CNTN5: variants seen among roughly 807,000 people sequenced by gnomAD.
CNTN5 encodes the protein contactin-5.
In CNTN5, 77 loss-of-function variants were observed where a neutral mutation model predicts 129.1. The observed-to-expected ratio is 0.60, with a 90% CI of 0.50 to 0.72. The LOEUF (loss-of-function observed/expected upper bound fraction) is 0.72, where lower values mean the gene tolerates loss of function less well. CNTN5 is among the 30% of genes least tolerant of loss of function. The pLI is 0.00. For missense variants in CNTN5, 1,478 were observed against 1,328.8 expected (o/e 1.11, Z -1.75); for synonymous variants, 509 against 465.6 (o/e 1.09, Z -1.20).
chr11:100,211,073 C>T (rs1383675522), intron 15 of CNTN5, among the ~76,000 whole-genome samples: 2 of 152,124 alleles, frequency 1.3e-5, no homozygotes, highest in Non-Finnish European at 2.9e-5. Flanking sequence ...GATCCAGAGA[C>T]CAGTTGTAAA....
chr11:99,862,138 CAACCT>C (rs1331679274), intron 6 of CNTN5, among the ~76,000 whole-genome samples: 1 of 152,128 alleles, frequency 6.6e-6, no homozygotes, highest in East Asian at 1.9e-4. Flanking sequence ...AATTAACTGT[CAACCT>C]AACCATGTTT....
At chr11:99,881,162 GA>G (rs1948761436) in intron 6 of CNTN5, among the ~76,000 whole-genome samples, 1 of 152,166 alleles carries the variant, frequency 6.6e-6, no homozygotes, top group Non-Finnish European at 1.5e-5. Flanking sequence ...TGATGAGTGA[GA>G]TTTTTTTCTG....
intron 23 of CNTN5, among the ~76,000 whole-genome samples, chr11:100,345,897 G>A (rs1565442779): frequency 6.6e-6 from 1 of 152,070 alleles, no homozygotes; most frequent in Non-Finnish European, 1.5e-5. Context: ...GCAAGATGTT[G>A]GAAAGGATTG....
At chr11:99,259,638 T>C (rs1862537792) in intron 1 of CNTN5, among the ~76,000 whole-genome samples, 1 of 151,768 alleles carries the variant, frequency 6.6e-6, no homozygotes, top group African/African-American at 2.4e-5. Flanking sequence ...ACAAGAACTG[T>C]TGAGTCTTGG....
intron 18 of CNTN5, among the ~76,000 whole-genome samples, chr11:100,286,484 C>T (rs1270310678): frequency 1.3e-5 from 2 of 150,846 alleles, no homozygotes; most frequent in Non-Finnish European, 3.0e-5. Context: ...AGGCACCCCC[C>T]AGCAGGGGCA....
intron 16 of CNTN5, among the ~76,000 whole-genome samples, chr11:100,245,031 T>A (rs922983757): frequency 6.6e-6 from 1 of 152,186 alleles, no homozygotes; most frequent in African/African-American, 2.4e-5. Flanking sequence ...TGTGTCCACT[T>A]GTAGATAATA....
At chr11:99,788,251 C>T (rs1945608720) in intron 3 of CNTN5, among the ~76,000 whole-genome samples, 1 of 151,984 alleles carries the variant, frequency 6.6e-6, no homozygotes, top group South Asian at 2.1e-4. Context: ...TGAATACTGT[C>T]TATTCCTCAA....
At chr11:100,319,204 G>A (rs1247048455) in intron 21 of CNTN5, among the ~76,000 whole-genome samples, 2 of 148,264 alleles carry the variant, frequency 1.3e-5, no homozygotes, top group Non-Finnish European at 3.0e-5. Flanking sequence ...CCAGGCTGGA[G>A]TGCCATGGCG....
intron 9 of CNTN5, among the ~76,000 whole-genome samples, chr11:100,056,564 AAAT>A (rs1252953035): frequency 3.3e-5 from 5 of 151,802 alleles, no homozygotes; most frequent in South Asian, 2.1e-4. Flanking sequence ...ACAACTCTAA[AAAT>A]AATAATAACT....
chr11:99,153,803 C>G (rs1860190242), intron 1 of CNTN5, among the ~76,000 whole-genome samples: 1 of 144,836 alleles, frequency 6.9e-6, no homozygotes, highest in South Asian at 2.2e-4. Flanking sequence ...GAAGTTACTC[C>G]CCTTTGAATG....
At chr11:100,310,760 A>G (rs1951454793) in intron 21 of CNTN5, among the ~76,000 whole-genome samples, 1 of 151,968 alleles carries the variant, frequency 6.6e-6, no homozygotes, top group Non-Finnish European at 1.5e-5. Flanking sequence ...TGGTTGCGAC[A>G]TGTGAGTAGA....
chr11:100,085,173 T>C (rs1944501305), intron 13 of CNTN5, among the ~76,000 whole-genome samples: 1 of 151,996 alleles, frequency 6.6e-6, no homozygotes, highest in East Asian at 1.9e-4. Context: ...TAACTTCCGG[T>C]CTTTTTTTCT....
intron 2 of CNTN5, among the ~76,000 whole-genome samples, chr11:99,390,331 C>T (rs1941193940): frequency 6.6e-6 from 1 of 152,142 alleles, no homozygotes; most frequent in African/African-American, 2.4e-5. Flanking sequence ...ATTGCCCACA[C>T]TGGTCTTGAA....
chr11:99,241,383 GT>G (rs1425494580), intron 1 of CNTN5, among the ~76,000 whole-genome samples: 1 of 100,718 alleles, frequency 9.9e-6, no homozygotes, highest in Non-Finnish European at 1.9e-5. Flanking sequence ...ACTTTGTTGT[GT>G]TCTCTTCGGA....
intron 9 of CNTN5, among the ~76,000 whole-genome samples, chr11:100,005,324 C>G (rs1294109735): frequency 6.6e-6 from 1 of 152,092 alleles, no homozygotes; most frequent in Non-Finnish European, 1.5e-5. Flanking sequence ...CTCCCGTATT[C>G]TCTTATTTAT....
chr11:99,440,472 T>C, intron 2 of CNTN5, among the ~76,000 whole-genome samples: 1 of 152,158 alleles, frequency 6.6e-6, no homozygotes, highest in Non-Finnish European at 1.5e-5. Flanking sequence ...CTAACACAAA[T>C]AGTCAACTTA....
intron 2 of CNTN5, among the ~76,000 whole-genome samples, chr11:99,356,709 A>C (rs988357214): frequency 4.6e-5 from 7 of 152,262 alleles, no homozygotes. Flanking sequence ...ATAATAAAAC[A>C]AAATCACATT....
At chr11:99,908,081 T>C (rs1949556927) in intron 6 of CNTN5, among the ~76,000 whole-genome samples, 1 of 152,060 alleles carries the variant, frequency 6.6e-6, no homozygotes, top group Non-Finnish European at 1.5e-5. Context: ...TGTGAAAAAC[T>C]ATCTTGCTTC....
chr11:100,252,529 G>C (rs1949984540), intron 16 of CNTN5, among the ~76,000 whole-genome samples: 1 of 151,946 alleles, frequency 6.6e-6, no homozygotes, highest in Non-Finnish European at 1.5e-5. Flanking sequence ...TTTTTTTCTA[G>C]TAGTTTTATT....
Sources: gnomAD v4.1 joint callset for allele counts (sites outside exome capture counted in the v4.1 genomes callset) on GRCh38, gnomAD v4.1.1 for gene constraint, MANE v1.5 for transcripts, NCBI Gene and HGNC (gene_info 2026-07-23, HGNC 2026-07-21) for gene names.